The following TIMD4 variants were observed in gnomAD, a reference collection of about 807,000 sequenced individuals.
The protein encoded by TIMD4 is T-cell immunoglobulin and mucin domain-containing protein 4.
A neutral mutation model predicts 41.2 loss-of-function variants in TIMD4; 31 were observed. That is an observed-to-expected ratio of 0.75 (90% CI 0.57 to 1.01). The LOEUF (loss-of-function observed/expected upper bound fraction) is 1.01. Among genes scored for constraint, TIMD4 ranks in the 50% least tolerant of loss-of-function variants. TIMD4 has a pLI of 0.00. For missense variants in TIMD4, 479 were observed against 472.5 expected (o/e 1.01, Z -0.13); for synonymous variants, 204 against 177.1 (o/e 1.15, Z -1.21).
intron 6 of TIMD4, 42 bp from the exon 7 acceptor site, chr5:156,922,258 G>A: frequency 1.4e-6 from 2 of 1,460,970 alleles, no homozygotes; most frequent in Non-Finnish European, 1.9e-6. Context: ...GTCACTGCTA[G>A]ATGCCACCCT....
intron 5 of TIMD4, among the ~76,000 whole-genome samples, chr5:156,940,167 G>C (rs546311138): frequency 6.6e-6 from 1 of 152,230 alleles, no homozygotes; most frequent in Non-Finnish European, 1.5e-5. Flanking sequence ...CCTGTTGGCC[G>C]GGCTGGTCTC....
chr5:156,930,076 T>C (rs1759419274), intron 5 of TIMD4, among the ~76,000 whole-genome samples: 1 of 152,148 alleles, frequency 6.6e-6, no homozygotes, highest in East Asian at 1.9e-4. Flanking sequence ...GTTGAAGCGA[T>C]TCTCATGCCT....
intron 5 of TIMD4, among the ~76,000 whole-genome samples, chr5:156,933,150 G>T (rs1490511154): frequency 6.6e-6 from 1 of 152,178 alleles, no homozygotes; most frequent in East Asian, 1.9e-4. Flanking sequence ...GAGTTTAAAA[G>T]AATATAGAAT....
intron 2 of TIMD4, among the ~76,000 whole-genome samples, chr5:156,953,344 G>A (rs892258768): frequency 1.1e-4 from 16 of 152,054 alleles, no homozygotes; most frequent in African/African-American, 2.9e-4. Context: ...TTTAGAGTGC[G>A]TTAGAGTCAC....
intron 1 of TIMD4, among the ~76,000 whole-genome samples, chr5:156,959,774 T>TCA: frequency 6.6e-6 from 1 of 152,200 alleles, no homozygotes; most frequent in Non-Finnish European, 1.5e-5. Flanking sequence ...GTGTGGTGGC[T>TCA]CACACCTGTA....
intron 5 of TIMD4, among the ~76,000 whole-genome samples, chr5:156,946,241 A>G (rs574364099): frequency 6.6e-6 from 1 of 152,246 alleles, no homozygotes; most frequent in East Asian, 1.9e-4. Context: ...TTGTCAGAAA[A>G]TAGTCCCCCA....
chr5:156,950,220 C>T (rs1759828646), intron 3 of TIMD4, among the ~76,000 whole-genome samples: 1 of 152,142 alleles, frequency 6.6e-6, no homozygotes. Flanking sequence ...CCTGCGTCAA[C>T]CTCTGAAGTA....
rs181724379 is a variant in TIMD4, at chr5:156,944,661, C to T, written c.844+3755G>A. The stretch of plus-strand genomic sequence containing the variant: ...CTGGGACTACAGGTGCCCGCCACCA[C>T]GCCTGGCTAATTTTTTGTATTTTTT... On this transcript the variant is annotated intron_variant, in intron 5 of 8. Transcript: ENST00000274532. Among the ~76,000 whole-genome samples the T allele has an allele frequency of 2.3e-4, 35 of 152,140 alleles. No individual in the cohort carries two copies. In the East Asian group the frequency reaches 3.7e-3, roughly 16 times the overall value.
chr5:156,962,644 A>G (rs1262146923), intron 1 of TIMD4, among the ~76,000 whole-genome samples: 1 of 152,184 alleles, frequency 6.6e-6, no homozygotes, highest in African/African-American at 2.4e-5. Flanking sequence ...TTCACTGGCC[A>G]AAACTGAGTG....
chr5:156,942,270 A>C (rs1423408576), intron 5 of TIMD4, among the ~76,000 whole-genome samples: 1 of 152,212 alleles, frequency 6.6e-6, no homozygotes, highest in East Asian at 1.9e-4. Flanking sequence ...TGCCTTCAAG[A>C]AAGCTCTGTT....
At chr5:156,962,752 C>A (rs1345909462) in intron 1 of TIMD4, among the ~76,000 whole-genome samples, 3 of 152,118 alleles carry the variant, frequency 2.0e-5, no homozygotes, top group South Asian at 2.1e-4. Context: ...GCAAACACTT[C>A]TAAAAACAGA....
At chr5:156,961,241 C>T (rs1049199589) in intron 1 of TIMD4, among the ~76,000 whole-genome samples, 17 of 152,104 alleles carry the variant, frequency 1.1e-4, no homozygotes, top group Middle Eastern at 3.2e-3. Context: ...GCATTGCTGG[C>T]GAGGACGCAA....
intron 5 of TIMD4, among the ~76,000 whole-genome samples, chr5:156,930,611 G>A (rs1010223946): frequency 6.6e-6 from 1 of 152,182 alleles, no homozygotes; most frequent in Non-Finnish European, 1.5e-5. Context: ...CAATCCACTG[G>A]CTGTGGGGAA....
intron 7 of TIMD4, among the ~76,000 whole-genome samples, chr5:156,921,337 C>T (rs1759233457): frequency 6.6e-6 from 1 of 151,778 alleles, no homozygotes; most frequent in African/African-American, 2.4e-5. Flanking sequence ...AAACCAGGAT[C>T]ACGCCAGGCA....
chr5:156,922,422 G>A lies in TIMD4; in HGVS notation c.895-206C>T, dbSNP rs533775556. Among the ~76,000 whole-genome samples, 22 of 152,280 alleles carry A rather than the reference G, an allele frequency of 1.4e-4. No individual in the cohort carries two copies. In the South Asian group the frequency reaches 4.4e-3, roughly 30 times the overall value. On this transcript the variant is annotated intron_variant, in intron 6 of 8. Coordinates refer to ENST00000274532, the MANE Select transcript of TIMD4 (RefSeq NM_138379.3). Reference sequence around the variant, plus strand: ...TTAGACATCAGGCATAAGGAGCTGTGGGGCTCAGGGGTCTGAGGATAAAAA... The same window carrying A: ...TTAGACATCAGGCATAAGGAGCTGTAGGGCTCAGGGGTCTGAGGATAAAAA...
intron 1 of TIMD4, among the ~76,000 whole-genome samples, chr5:156,960,562 A>G (rs1172231680): frequency 2.6e-5 from 4 of 151,978 alleles, no homozygotes; most frequent in Non-Finnish European, 5.9e-5. Flanking sequence ...ACATGTCACC[A>G]CGCCTGGCTA....
At chr5:156,924,942 G>A (rs1443579002) in intron 6 of TIMD4, among the ~76,000 whole-genome samples, 3 of 152,124 alleles carry the variant, frequency 2.0e-5, no homozygotes, top group Non-Finnish European at 4.4e-5. Context: ...ACAAGGCTTA[G>A]AACTCCCTGT....
chr5:156,921,799 G>A (rs1180566181), intron 7 of TIMD4, among the ~76,000 whole-genome samples: 1 of 152,096 alleles, frequency 6.6e-6, no homozygotes, highest in East Asian at 1.9e-4. Flanking sequence ...GGGATAAAAT[G>A]AATTAGGCAC....
At position 156,926,417 on chromosome 5, in the gene TIMD4, G is replaced by A. The variant is rs754297070; in HGVS notation, c.845-105C>T. ...GTCCATCTGGAACTGCAGCTGATGT[G>A]TTTAATTATTTAATCCCGTGTTTTT... On this transcript the variant is annotated intron_variant, in intron 5 of 8. Coordinates refer to ENST00000274532, the MANE Select transcript of TIMD4 (RefSeq NM_138379.3). 524 of 1,111,474 alleles carry A rather than the reference G, an allele frequency of 4.7e-4. 1 individual carries two copies. Among genetic ancestry groups the A allele is most frequent in the Admixed American group, 8.5e-4 (43 of 50,656 alleles). The allele number at this position is 1,111,474 out of a possible 1,614,324, so 68.9% of individuals were successfully genotyped here.
Sources: allele counts gnomAD v4.1 joint callset (sites outside exome capture counted in the v4.1 genomes callset), GRCh38; gene constraint gnomAD v4.1.1; transcripts MANE v1.5; gene names NCBI Gene and HGNC (gene_info 2026-07-23, HGNC 2026-07-21).